The following ERC1 variants were observed in gnomAD, a reference collection of about 807,000 sequenced individuals.
The protein encoded by ERC1 is ELKS/RAB6-interacting/CAST family member 1.
Under a neutral mutation model 132.0 loss-of-function variants are expected in ERC1, and 56 were observed. The observed-to-expected ratio is 0.42, with a 90% CI of 0.34 to 0.53. ERC1 has a LOEUF of 0.53. Ranked by LOEUF, ERC1 falls within the 20% of genes least tolerant of loss-of-function variation. The probability of loss-of-function intolerance (pLI) is 0.03; values close to 1 mark genes in which losing one functional copy is unlikely to be tolerated. For missense variants in ERC1, 1,202 were observed against 1,349.9 expected (o/e 0.89, Z 1.72); for synonymous variants, 478 against 476.1 (o/e 1.00, Z -0.05).
At chr12:1,299,858 A>C (rs992129506) in intron 15 of ERC1, among the ~76,000 whole-genome samples, 3 of 152,190 alleles carry the variant, frequency 2.0e-5, no homozygotes, top group Non-Finnish European at 4.4e-5. Flanking sequence ...ATTTTGAGCA[A>C]ACTTATACCA....
At chr12:1,006,118 G>A (rs1565764219) in intron 1 of ERC1, among the ~76,000 whole-genome samples, 1 of 151,756 alleles carries the variant, frequency 6.6e-6, no homozygotes, top group African/African-American at 2.4e-5. Flanking sequence ...CACCACACCT[G>A]GCTCATTTTT....
intron 13 of ERC1, among the ~76,000 whole-genome samples, chr12:1,243,458 T>C (rs2075964487): frequency 6.6e-6 from 1 of 151,692 alleles, no homozygotes; most frequent in Admixed American, 6.6e-5. Flanking sequence ...TATGTAGGGA[T>C]GTAATGAAAC....
intron 1 of ERC1, 94 bp from the exon 2 acceptor site, chr12:1,027,654 G>T (rs888039725): frequency 2.0e-6 from 1 of 498,918 alleles, no homozygotes; most frequent in Non-Finnish European, 3.6e-6. Context: ...CATGGTAGAA[G>T]GGCTAGATCT....
chr12:1,276,140 C>G (rs1197677211), intron 14 of ERC1, among the ~76,000 whole-genome samples: 1 of 152,130 alleles, frequency 6.6e-6, no homozygotes, highest in Non-Finnish European at 1.5e-5. Flanking sequence ...TTACCTTATT[C>G]CCTTGTCTGG....
chr12:1,077,535 A>G (rs1166371504), intron 2 of ERC1, among the ~76,000 whole-genome samples: 2 of 152,218 alleles, frequency 1.3e-5, no homozygotes, highest in African/African-American at 4.8e-5. Flanking sequence ...ATAATAGTAC[A>G]GTCCCTGGAG....
intron 18 of ERC1, among the ~76,000 whole-genome samples, chr12:1,488,056 C>T (rs535466174): frequency 3.3e-5 from 5 of 149,596 alleles, no homozygotes; most frequent in South Asian, 2.1e-4. Context: ...GAGAATGGCA[C>T]GAACCTGGGA....
chr12:1,325,728 T>G (rs1456068908), intron 15 of ERC1, among the ~76,000 whole-genome samples: 5 of 152,162 alleles, frequency 3.3e-5, no homozygotes, highest in Non-Finnish European at 7.4e-5. Flanking sequence ...AAACAAAAAT[T>G]TGTAGACATC....
intron 3 of ERC1, among the ~76,000 whole-genome samples, chr12:1,098,885 C>A (rs1302092089): frequency 1.3e-5 from 2 of 152,084 alleles, no homozygotes; most frequent in Non-Finnish European, 2.9e-5. Context: ...TAATTTAGAC[C>A]TGGAGGTCTG....
At chr12:1,344,041 C>T (rs1282693077) in intron 15 of ERC1, among the ~76,000 whole-genome samples, 1 of 152,112 alleles carries the variant, frequency 6.6e-6, no homozygotes. Context: ...CGGGGTTTCA[C>T]CGTGTTAGCC....
chr12:1,144,583 G>A (rs1033299777), intron 8 of ERC1, among the ~76,000 whole-genome samples: 2 of 140,010 alleles, frequency 1.4e-5, no homozygotes, highest in African/African-American at 6.4e-5. Flanking sequence ...CCATTATTTC[G>A]TTCCTTTTTA....
At chr12:1,436,506 T>A (rs776503064) in intron 17 of ERC1, among the ~76,000 whole-genome samples, 6 of 152,178 alleles carry the variant, frequency 3.9e-5, no homozygotes, top group Non-Finnish European at 7.3e-5. Flanking sequence ...CCACTCCCAA[T>A]GCCATAGGTG....
At chr12:1,084,455 G>C (rs1444250356) in intron 3 of ERC1, among the ~76,000 whole-genome samples, 1 of 152,092 alleles carries the variant, frequency 6.6e-6, no homozygotes, top group Non-Finnish European at 1.5e-5. Context: ...TTTGTAGGTT[G>C]TTCTATAATT....
intron 15 of ERC1, among the ~76,000 whole-genome samples, chr12:1,293,200 A>T (rs2079592751): frequency 6.6e-6 from 1 of 150,474 alleles, no homozygotes. Context: ...CATGCCTATA[A>T]TCCCAGCACT....
intron 14 of ERC1, among the ~76,000 whole-genome samples, chr12:1,266,397 T>A (rs2077485123): frequency 5.0e-5 from 3 of 59,584 alleles, no homozygotes; most frequent in Non-Finnish European, 1.1e-4. Flanking sequence ...CTGTCTTTTT[T>A]TTTTTTTTTT....
chr12:1,369,645 T>C (rs1408143280), intron 15 of ERC1, among the ~76,000 whole-genome samples: 1 of 152,174 alleles, frequency 6.6e-6, no homozygotes, highest in Non-Finnish European at 1.5e-5. Context: ...AGTTAGACCT[T>C]CTTGAACTCT....
chr12:1,464,633 C>T (rs911568895), intron 18 of ERC1, among the ~76,000 whole-genome samples: 27 of 150,772 alleles, frequency 1.8e-4, no homozygotes, highest in Admixed American at 2.7e-4. Context: ...AATTCTCCTG[C>T]CCTCACCCTC....
chr12:1,301,765 C>A (rs745944266), intron 15 of ERC1, among the ~76,000 whole-genome samples: 72 of 151,958 alleles, frequency 4.7e-4, no homozygotes, highest in Non-Finnish European at 8.4e-4. Flanking sequence ...AACAAGACTT[C>A]GTGACACAAG....
intron 17 of ERC1, among the ~76,000 whole-genome samples, chr12:1,414,313 T>C (rs2092000853): frequency 2.0e-5 from 3 of 152,204 alleles, no homozygotes; most frequent in Admixed American, 6.5e-5. Context: ...CTTCCTACTT[T>C]GCAGATGGCT....
At chr12:1,308,435 T>A (rs1040300804) in intron 15 of ERC1, among the ~76,000 whole-genome samples, 1 of 152,194 alleles carries the variant, frequency 6.6e-6, no homozygotes, top group African/African-American at 2.4e-5. Flanking sequence ...ACTTGAAAAT[T>A]CTTCAAACTT....
Sources: allele counts gnomAD v4.1 joint callset (sites outside exome capture counted in the v4.1 genomes callset), GRCh38; gene constraint gnomAD v4.1.1; transcripts MANE v1.5; gene names NCBI Gene and HGNC (gene_info 2026-07-23, HGNC 2026-07-21).